The following DMD variants were observed in gnomAD, a reference collection of about 807,000 sequenced individuals.
The protein encoded by DMD is mutant dystrophin.
Under a neutral mutation model 330.1 loss-of-function variants are expected in DMD, and 63 were observed. That is an observed-to-expected ratio of 0.19 (90% CI 0.16 to 0.24). DMD has a LOEUF of 0.24. Among genes scored for constraint, DMD ranks in the 10% least tolerant of loss-of-function variants. The pLI, the probability that DMD is intolerant of heterozygous loss-of-function variation, is 1.00. For missense variants in DMD, 3,344 were observed against 2,684.1 expected, an observed-to-expected ratio of 1.25 and a Z score of -5.43; for synonymous variants, 1,223 against 959.8, an observed-to-expected ratio of 1.27 and a Z score of -5.07.
At chrX:33,016,003 G>A (rs2093795067) in intron 2 of DMD, among the ~76,000 whole-genome samples, 1 of 110,975 alleles carries the variant, frequency 9.0e-6, no homozygotes, top group South Asian at 3.9e-4. Context: ...ACAAAGGCTG[G>A]ACGGTAACAA....
chrX:31,425,786 C>T (rs973466043), intron 60 of DMD, among the ~76,000 whole-genome samples: 14 of 109,883 alleles, frequency 1.3e-4, no homozygotes, highest in African/African-American at 4.4e-4. Flanking sequence ...TGTTGCTTGG[C>T]GCAGTGGGAA....
At chrX:33,060,255 G>A (rs1307482480) in intron 1 of DMD, among the ~76,000 whole-genome samples, 1 of 111,061 alleles carries the variant, frequency 9.0e-6, no homozygotes, top group Non-Finnish European at 1.9e-5. Flanking sequence ...TCATGGGTAA[G>A]GGAGACTCCT....
At position 31,132,637 on chromosome X, in the gene DMD, C is replaced by T. The variant is rs1337087473; in HGVS notation, c.11014+1465G>A. Among the ~76,000 whole-genome samples the T allele has an allele frequency of 2.7e-5, 3 of 111,165 alleles. No individual in the cohort carries two copies. In the East Asian group the frequency reaches 8.5e-4, roughly 31 times the overall value. On this transcript the variant is annotated intron_variant, in intron 77 of 78. Transcript: ENST00000357033. ...GAATTTCTTTGGAGTTCTGTATCTG[C>T]AATTGACCATAAGTACCTTGAAGGC...
In DMD at chrX:32,734,459, C is replaced by T; in HGVS notation, c.650-35166G>A. On this transcript the variant is annotated intron_variant, in intron 7 of 78. Coordinates refer to ENST00000357033, the MANE Select transcript of DMD (RefSeq NM_004006.3). ...TACGAAAGCCTGGCAGAGACACAAC[C>T]AAAAAAGAGAATTTTAGACCAATAT... 1.9e-5 allele frequency among the ~76,000 whole-genome samples: 2 copies of T among 107,048 alleles called. 1 individual carries two copies. The highest frequency in any genetic ancestry group is 3.8e-5 in the Non-Finnish European group (2 of 52,787). 93.0% of individuals were successfully genotyped at this position (107,048 alleles called of 115,157 possible). A position where few individuals can be genotyped will look rare whatever the true frequency, so the allele number is the denominator to read the frequency against.
chrX:31,266,902 G>A, intron 62 of DMD: 3 of 1,183,075 alleles, frequency 2.5e-6, no homozygotes, highest in South Asian at 3.7e-5. Context: ...CGGGCTCCCC[G>A]AAAGTGGAGC....
rs2074420865 is a variant in DMD at position 32,778,785 on chromosome X, T to C, written c.649+30708A>G. 3.6e-5 allele frequency among the ~76,000 whole-genome samples: 4 copies of C among 111,563 alleles called. No individual in the cohort carries two copies. In the Admixed American group the frequency reaches 3.8e-4, roughly 11 times the overall value. ...TTTCATTTTTAAGCATTCCGGTGAC[T>C]ACATAGTGTGCACTCAGGTAATCCA... On this transcript the variant is annotated intron_variant, in intron 7 of 78. Coordinates refer to ENST00000357033, the MANE Select transcript of DMD (RefSeq NM_004006.3).
intron 34 of DMD, among the ~76,000 whole-genome samples, chrX:32,372,144 T>G (rs895986213): frequency 9.0e-6 from 1 of 111,696 alleles, no homozygotes; most frequent in Non-Finnish European, 1.9e-5. Context: ...ATGTTTGTTA[T>G]AAAACTTGTA....
intron 49 of DMD, among the ~76,000 whole-genome samples, chrX:31,823,058 C>G (rs1464754867): frequency 9.0e-6 from 1 of 111,513 alleles, no homozygotes; most frequent in Non-Finnish European, 1.9e-5. Flanking sequence ...TTAGATTGTA[C>G]GACCCAACCC....
At chrX:32,065,884 T>C (rs1322739556) in intron 44 of DMD, among the ~76,000 whole-genome samples, 1 of 111,797 alleles carries the variant, frequency 8.9e-6, no homozygotes, top group Non-Finnish European at 1.9e-5. Flanking sequence ...GACAAAAGTA[T>C]GTGCATGTTT....
At chrX:31,454,951 C>CTTTTTTTTTT (rs61091457) in intron 59 of DMD, among the ~76,000 whole-genome samples, 1 of 80,195 alleles carries the variant, frequency 1.2e-5, no homozygotes, top group African/African-American at 5.0e-5. Flanking sequence ...TTTTCTTTTT[C>CTTTTTTTTTT]TTTTTTTTTT....
intron 43 of DMD, among the ~76,000 whole-genome samples, chrX:32,242,933 CAAAGGA>C (rs1228615338): frequency 3.4e-4 from 30 of 87,563 alleles, no homozygotes; most frequent in African/African-American, 1.0e-3. Flanking sequence ...CAAAGGAACG[CAAAGGA>C]AAAGGAAAAG....
At chrX:32,085,617 C>CATAT (rs1569541143) in intron 44 of DMD, among the ~76,000 whole-genome samples, 2 of 85,301 alleles carry the variant, frequency 2.3e-5, no homozygotes, top group Admixed American at 1.4e-4. Context: ...TATATATATA[C>CATAT]GTATATATAT....
intron 9 of DMD, among the ~76,000 whole-genome samples, chrX:32,646,402 T>C (rs1475127572): frequency 9.0e-6 from 1 of 111,293 alleles, no homozygotes; most frequent in African/African-American, 3.3e-5. Context: ...GGCATACTAT[T>C]TACGGAGGTG....
intron 54 of DMD, among the ~76,000 whole-genome samples, chrX:31,649,236 A>G (rs1468158984): frequency 2.7e-5 from 3 of 111,668 alleles, no homozygotes; most frequent in Non-Finnish European, 5.6e-5. Flanking sequence ...TTTTCCTGGG[A>G]AAACTGATAC....
At chrX:31,664,664 G>GTTTT (rs57784016) in intron 53 of DMD, among the ~76,000 whole-genome samples, 5 of 82,228 alleles carry the variant, frequency 6.1e-5, no homozygotes, top group African/African-American at 9.2e-5. Flanking sequence ...TGTATCATAA[G>GTTTT]TTTTTTTTTT....
At chrX:32,421,483 T>A (rs2098189484) in intron 29 of DMD, among the ~76,000 whole-genome samples, 1 of 111,351 alleles carries the variant, frequency 9.0e-6, no homozygotes, top group Non-Finnish European at 1.9e-5. Context: ...GTATAGTGCT[T>A]TAGGAGTAGG....
intron 2 of DMD, among the ~76,000 whole-genome samples, chrX:32,942,128 C>T (rs181138517): frequency 4.5e-4 from 33 of 73,884 alleles, no homozygotes; most frequent in Admixed American, 3.1e-3. Context: ...TGCGTGTCTA[C>T]GTGTACATAA....
At chrX:31,279,673 G>C (rs1238217014) in intron 62 of DMD, among the ~76,000 whole-genome samples, 1 of 112,492 alleles carries the variant, frequency 8.9e-6, no homozygotes, top group Non-Finnish European at 1.9e-5. Context: ...GGTCACGATA[G>C]CTTATCCAGC....
At chrX:32,460,056 A>T (rs1240769280) in intron 25 of DMD, among the ~76,000 whole-genome samples, 1 of 110,893 alleles carries the variant, frequency 9.0e-6, no homozygotes, top group Non-Finnish European at 1.9e-5. Context: ...GGATTCAAAA[A>T]TGGGCAAATA....
Sources: allele counts gnomAD v4.1 joint callset (sites outside exome capture counted in the v4.1 genomes callset), GRCh38; gene constraint gnomAD v4.1.1; transcripts MANE v1.5; gene names NCBI Gene and HGNC (gene_info 2026-07-23, HGNC 2026-07-21).